HAUS6: variants seen among roughly 807,000 people sequenced by gnomAD.
HAUS6 encodes HAUS augmin like complex subunit 6.
HAUS6 carries 80 observed loss-of-function variants against 106.8 expected under a neutral mutation model. The observed-to-expected ratio is 0.75, with a 90% CI of 0.63 to 0.90. The LOEUF is 0.90. Ranked by LOEUF, HAUS6 falls within the 40% of genes least tolerant of loss-of-function variation. The probability of loss-of-function intolerance (pLI) is 0.00; values close to 1 mark genes in which losing one functional copy is unlikely to be tolerated. For synonymous variants in HAUS6, 356 were observed against 379.1 expected, an observed-to-expected ratio of 0.94 and a Z score of 0.71; for missense variants, 1,155 against 1,118.1, an observed-to-expected ratio of 1.03 and a Z score of -0.47.
rs751333866 is a variant in HAUS6 at position 19,093,141 on chromosome 9, AACAAAAAATCTTTT to A, written c.436+16_436+29del. 64 of 1,404,884 alleles carry A rather than the reference AACAAAAAATCTTTT, an allele frequency of 4.6e-5. 1 individual carries two copies. In the South Asian group the frequency reaches 7.6e-4, roughly 17 times the overall value. 87.0% of individuals were successfully genotyped at this position (1,404,884 alleles called of 1,614,324 possible). Reference sequence around the variant, plus strand: ...AGAACAATAAAAATTTAAGAATCAAAACAAAAAATCTTTTATAAGTTGAACTTACTTTTAGAATT... The same window carrying A: ...AGAACAATAAAAATTTAAGAATCAAAATAAGTTGAACTTACTTTTAGAATT... On this transcript the variant is annotated intron_variant, in intron 4 of 16. Coordinates refer to ENST00000380502, the MANE Select transcript of HAUS6 (RefSeq NM_017645.5).
chr9:19,076,507 AG>A (rs1837007773), intron 11 of HAUS6, 94 bp downstream of exon 11: 6 of 707,378 alleles, frequency 8.5e-6, no homozygotes, highest in Non-Finnish European at 5.0e-6. Flanking sequence ...AAAAAAATGG[AG>A]GAAAAAGATA....
At chr9:19,060,013 G>C in intron 15 of HAUS6, 75 bp downstream of exon 15, 1 of 1,186,386 alleles carries the variant, frequency 8.4e-7, no homozygotes, top group South Asian at 1.4e-5. Context: ...CAGCTAAAAA[G>C]ATCTGTCAGG....
intron 15 of HAUS6, among the ~76,000 whole-genome samples, chr9:19,059,633 T>G (rs1042137336): frequency 6.6e-6 from 1 of 152,186 alleles, no homozygotes. Context: ...CTACACAAAT[T>G]ACAGGTTATA....
intron 12 of HAUS6, among the ~76,000 whole-genome samples, chr9:19,063,970 ATT>A (rs34187338): frequency 2.2e-5 from 3 of 135,784 alleles, no homozygotes; most frequent in Non-Finnish European, 3.1e-5. Context: ...CCTTTATTTT[ATT>A]TTTTTTTTTT....
intron 11 of HAUS6, 133 bp from the exon 12 acceptor site, chr9:19,070,433 A>T: frequency 1.6e-6 from 1 of 617,290 alleles, no homozygotes; most frequent in South Asian, 2.0e-5. Flanking sequence ...CTAATAGGAA[A>T]ACATAATTAT....
At chr9:19,064,087 C>T (rs1046168931) in intron 12 of HAUS6, among the ~76,000 whole-genome samples, 2 of 151,996 alleles carry the variant, frequency 1.3e-5, no homozygotes, top group Non-Finnish European at 2.9e-5. Context: ...CCTGCCTCAG[C>T]CTCCTGAGTA....
At chr9:19,069,503 A>G (rs1445185761) in intron 12 of HAUS6, among the ~76,000 whole-genome samples, 5 of 152,126 alleles carry the variant, frequency 3.3e-5, no homozygotes, top group Admixed American at 6.5e-5. Context: ...AGCCTGGCCA[A>G]CATGGTGAAA....
intron 7 of HAUS6, among the ~76,000 whole-genome samples, chr9:19,084,654 A>G (rs1588618688): frequency 6.7e-6 from 1 of 149,368 alleles, no homozygotes; most frequent in East Asian, 1.9e-4. Context: ...TTTTTTTGAA[A>G]CAAGGTCTCA....
At chr9:19,057,702 T>A (rs1836503237) in intron 16 of HAUS6, 1 of 416,028 alleles carries the variant, frequency 2.4e-6, no homozygotes, top group South Asian at 9.7e-5. Flanking sequence ...TTCAGTCATT[T>A]GTATTATAAA....
At chr9:19,067,396 T>C (rs1257265466) in intron 12 of HAUS6, among the ~76,000 whole-genome samples, 2 of 152,194 alleles carry the variant, frequency 1.3e-5, no homozygotes, top group Non-Finnish European at 2.9e-5. Flanking sequence ...AGGCCTTCTG[T>C]TTTATTCTGA....
chr9:19,074,937 G>A (rs1193350246), intron 11 of HAUS6, among the ~76,000 whole-genome samples: 1 of 152,094 alleles, frequency 6.6e-6, no homozygotes, highest in African/African-American at 2.4e-5. Context: ...AACCTGTACA[G>A]AATGTTTATA....
chr9:19,068,816 C>T (rs1255304847), intron 12 of HAUS6, among the ~76,000 whole-genome samples: 1 of 151,448 alleles, frequency 6.6e-6, no homozygotes, highest in Non-Finnish European at 1.5e-5. Context: ...GGATTACATA[C>T]ATTTAGTTCA....
At chr9:19,087,912 G>A (rs1487073960) in intron 5 of HAUS6, among the ~76,000 whole-genome samples, 3 of 147,966 alleles carry the variant, frequency 2.0e-5, no homozygotes, top group Non-Finnish European at 3.0e-5. Flanking sequence ...TTCTTTGAGA[G>A]TAACAGCCTT....
At chr9:19,060,721 T>C (rs1209318576) in intron 14 of HAUS6, among the ~76,000 whole-genome samples, 2 of 152,232 alleles carry the variant, frequency 1.3e-5, no homozygotes, top group Non-Finnish European at 2.9e-5. Context: ...GAAAAAAGCA[T>C]ACGTACATTC....
chr9:19,088,510 CTACAAT>C (rs1817677075), intron 5 of HAUS6, among the ~76,000 whole-genome samples: 1 of 151,822 alleles, frequency 6.6e-6, no homozygotes, highest in Non-Finnish European at 1.5e-5. Flanking sequence ...AAAATAAACA[CTACAAT>C]TACAACTTTA....
chr9:19,101,416 AG>A (rs895175487), intron 1 of HAUS6, among the ~76,000 whole-genome samples: 1 of 152,068 alleles, frequency 6.6e-6, no homozygotes, highest in African/African-American at 2.4e-5. Flanking sequence ...GCCTGAGCCC[AG>A]GAGTTGGAGG....
At chr9:19,090,603 T>TCCGC (rs1049928930) in intron 4 of HAUS6, among the ~76,000 whole-genome samples, 1 of 152,170 alleles carries the variant, frequency 6.6e-6, no homozygotes, top group African/African-American at 2.4e-5. Context: ...GGCCTCATGA[T>TCCGC]CCGCCCGCCC....
chr9:19,096,317 C>T (rs533945768), intron 2 of HAUS6, among the ~76,000 whole-genome samples: 1 of 152,104 alleles, frequency 6.6e-6, no homozygotes, highest in African/African-American at 2.4e-5. Flanking sequence ...GTAATCACAG[C>T]GCTTTGGGAG....
intron 14 of HAUS6, among the ~76,000 whole-genome samples, chr9:19,062,595 T>C (rs1836650288): frequency 6.6e-6 from 1 of 152,216 alleles, no homozygotes; most frequent in South Asian, 2.1e-4. Context: ...TTATCCCATA[T>C]TACCCGAGGT....
Sources: allele counts gnomAD v4.1 joint callset (sites outside exome capture counted in the v4.1 genomes callset), GRCh38; gene constraint gnomAD v4.1.1; transcripts MANE v1.5; gene names NCBI Gene and HGNC (gene_info 2026-07-23, HGNC 2026-07-21).